Variants in MSTO1 observed in about 807,000 individuals in gnomAD.
The protein encoded by MSTO1 is protein misato homolog 1.
In MSTO1, 24 loss-of-function variants were observed where a neutral mutation model predicts 55.7. That is an observed-to-expected ratio of 0.43 (90% CI 0.31 to 0.61). The LOEUF is 0.61. MSTO1 is among the 20% of genes least tolerant of loss of function. The probability of loss-of-function intolerance (pLI) is 0.09; values close to 1 mark genes in which losing one functional copy is unlikely to be tolerated. For missense variants in MSTO1, 363 were observed against 625.7 expected (o/e 0.58, Z 4.48); for synonymous variants, 162 against 252.8 (o/e 0.64, Z 3.41).
chr1:155,567,265 A>G, the MSTO1 span, among the ~76,000 whole-genome samples: 1 of 150,876 alleles, frequency 6.6e-6, no homozygotes, highest in Admixed American at 6.6e-5. Flanking sequence ...CTAGGACTAC[A>G]GGTGTGTGTC....
the MSTO1 span, among the ~76,000 whole-genome samples, chr1:155,599,810 T>G: frequency 5.3e-5 from 8 of 152,228 alleles, no homozygotes; most frequent in African/African-American, 1.7e-4. Context: ...CAAAGGTCTT[T>G]GCATCATAGA....
chr1:155,597,368 G>C, the MSTO1 span, among the ~76,000 whole-genome samples: 3 of 150,978 alleles, frequency 2.0e-5, no homozygotes, highest in East Asian at 2.0e-4. Flanking sequence ...TACTCGGGAG[G>C]CTGAGGCAGG....
In MSTO1 at chr1:155,612,940, C is replaced by T; in HGVS notation, c.1063C>T (p.His355Tyr). ...RLCSSPVSMV[H>Y]LADMLSFCGK... ...GTGTTCCTCTCCAGTTTCCATGGTTCATCTGGCTGACATGCTGAGCTTCTG... is the reference window on the plus strand; with the variant it reads ...GTGTTCCTCTCCAGTTTCCATGGTTTATCTGGCTGACATGCTGAGCTTCTG... Residue 355 changes from histidine (H) to tyrosine (Y), a missense_variant, in exon 10 of 14, where the codon CAT becomes TAT. Physicochemically the swap from His to Tyr is moderately conservative, Grantham distance 83. Transcript: ENST00000245564. 1 of 1,613,946 alleles carries T rather than the reference C, an allele frequency of 6.2e-7. No individual in the cohort carries two copies. Among genetic ancestry groups the T allele is most frequent in the Non-Finnish European group, 8.5e-7 (1 of 1,179,848 alleles).
At chr1:155,582,210 T>C in the MSTO1 span, among the ~76,000 whole-genome samples, 1 of 151,718 alleles carries the variant, frequency 6.6e-6, no homozygotes. Flanking sequence ...TCATTTCTCA[T>C]AGGAAACCTG....
intron 5 of MSTO1, 30 bp downstream of exon 5, chr1:155,611,633 G>C (rs1467784649): frequency 7.3e-7 from 1 of 1,365,978 alleles, no homozygotes; most frequent in East Asian, 2.3e-5. Context: ...TGATGGATGG[G>C]GGCTTGGGTA....
At chr1:155,582,759 G>A in the MSTO1 span, among the ~76,000 whole-genome samples, 4 of 151,954 alleles carry the variant, frequency 2.6e-5, no homozygotes, top group South Asian at 2.1e-4. Flanking sequence ...GCGCCCGGCC[G>A]GCTTATAGGT....
chr1:155,568,624 G>C, the MSTO1 span, among the ~76,000 whole-genome samples: 1 of 151,370 alleles, frequency 6.6e-6, no homozygotes, highest in East Asian at 2.0e-4. Context: ...GTTTTTAGTA[G>C]AGACAGGATT....
chr1:155,590,742 C>CA, the MSTO1 span: 2 of 1,596,822 alleles, frequency 1.3e-6, no homozygotes, highest in Non-Finnish European at 1.7e-6. Flanking sequence ...CACCCAGCAA[C>CA]AAAAGGCCTG....
At chr1:155,585,960 ATG>A in the MSTO1 span, among the ~76,000 whole-genome samples, 1 of 150,566 alleles carries the variant, frequency 6.6e-6, no homozygotes, top group African/African-American at 2.5e-5. Context: ...ACTATGCTAG[ATG>A]TAGTGTTCAC....
chr1:155,598,708 C>A, the MSTO1 span: 12 of 490,330 alleles, frequency 2.4e-5, no homozygotes, highest in East Asian at 4.1e-5. Flanking sequence ...GAGAACAGAG[C>A]GAGACCCAGT....
the MSTO1 span, among the ~76,000 whole-genome samples, chr1:155,598,592 C>T: frequency 6.6e-6 from 1 of 152,118 alleles, no homozygotes; most frequent in Middle Eastern, 3.2e-3. Context: ...CGTGGTGGTA[C>T]ACACCTGTAA....
chr1:155,597,461 C>T, the MSTO1 span, among the ~76,000 whole-genome samples: 1 of 151,780 alleles, frequency 6.6e-6, no homozygotes, highest in South Asian at 2.1e-4. Flanking sequence ...AAGAGGGAAA[C>T]TAAATCCTAA....
At chr1:155,578,304 G>A in the MSTO1 span, among the ~76,000 whole-genome samples, 1 of 149,234 alleles carries the variant, frequency 6.7e-6, no homozygotes, top group Non-Finnish European at 1.5e-5. Context: ...TTATGGGGGA[G>A]GGGTGGGGAG....
intron 4 of MSTO1, 22 bp downstream of exon 4, chr1:155,611,313 T>C: frequency 6.2e-7 from 1 of 1,613,828 alleles, no homozygotes; most frequent in Non-Finnish European, 8.5e-7. Context: ...TGTCCTGAAC[T>C]TTTTAACCCG....
chr1:155,612,187 C>T lies in MSTO1; in HGVS notation c.684C>T (p.Phe228=). The T allele has an allele frequency of 1.9e-6, 3 of 1,613,894 alleles. No individual in the cohort carries two copies. The highest frequency in any genetic ancestry group is 2.2e-5 in the East Asian group (1 of 44,880). ...TGTCACTCACCCCCGTCCAGGGCTT[C>T]CAGATCCTGTGTGACCTGCACGATG... ...YVEECDYLQG[F]QILCDLHDGF... The change falls in exon 8 of 14, where the codon TTC becomes TTT. Residue 228 remains phenylalanine, a synonymous_variant. Transcript: ENST00000245564.
the MSTO1 span, chr1:155,590,693 GT>G: frequency 6.6e-7 from 1 of 1,515,784 alleles, no homozygotes; most frequent in Non-Finnish European, 8.9e-7. Flanking sequence ...CTGGGGCCCC[GT>G]GACCCCCCGG....
At chr1:155,574,788 G>A in the MSTO1 span, among the ~76,000 whole-genome samples, 8 of 151,422 alleles carry the variant, frequency 5.3e-5, no homozygotes, top group African/African-American at 1.7e-4. Context: ...GGCTGGTCTC[G>A]AACTCCTGGT....
chr1:155,607,338 A>G (rs1432975852), upstream of MSTO1, among the ~76,000 whole-genome samples: 1 of 149,798 alleles, frequency 6.7e-6, no homozygotes, highest in Non-Finnish European at 1.5e-5. Flanking sequence ...CCACGCCCAG[A>G]TAATTTTTGT....
the MSTO1 span, among the ~76,000 whole-genome samples, chr1:155,604,603 C>T: frequency 0.012 from 1,883 of 152,292 alleles, 31 homozygotes; most frequent in African/African-American, 0.043. Context: ...TGGCAGGGCA[C>T]GGTGGCTCAG....
Sources: allele counts gnomAD v4.1 joint callset (sites outside exome capture counted in the v4.1 genomes callset), GRCh38; gene constraint gnomAD v4.1.1; transcripts MANE v1.5; gene names NCBI Gene and HGNC (gene_info 2026-07-23, HGNC 2026-07-21).